The following KATNIP variants were observed in gnomAD, a reference collection of about 807,000 sequenced individuals.
The protein encoded by KATNIP is katanin interacting protein.
Under a neutral mutation model 174.0 loss-of-function variants are expected in KATNIP, and 126 were observed. That is an observed-to-expected ratio of 0.72 (90% CI 0.63 to 0.84). KATNIP has a LOEUF of 0.84. Among genes scored for constraint, KATNIP ranks in the 40% least tolerant of loss-of-function variants. The probability of loss-of-function intolerance (pLI) is 0.00; values close to 1 mark genes in which losing one functional copy is unlikely to be tolerated. For missense variants in KATNIP, 1,958 were observed against 2,109.7 expected, an observed-to-expected ratio of 0.93 and a Z score of 1.41; for synonymous variants, 810 against 835.7, an observed-to-expected ratio of 0.97 and a Z score of 0.53.
In KATNIP at chr16:27,740,422, G is replaced by T; in HGVS notation, c.2125G>T (p.Gly709Cys). The part of the protein sequence containing the change: ...LRLSAVPTSM[G>C]DMPSAPATSP... The stretch of plus-strand genomic sequence containing the variant: ...ACTGTCGGCAGTCCCCACTTCGATG[G>T]GTGACATGCCCAGTGCTCCTGCCAC... Residue 709 changes from glycine to cysteine, a missense_variant, in exon 15 of 28, where the codon GGT becomes TGT. Physicochemically the swap from Gly to Cys is radical, Grantham distance 159 (BLOSUM62 -3). This residue lies in a region of KATNIP where 1,557 missense variants were observed against 1,617.8 expected (regional missense o/e 0.96). Transcript: ENST00000261588. 6.2e-7 allele frequency: 1 copy of T among 1,613,990 alleles called. No individual in the cohort carries two copies. Among genetic ancestry groups the T allele is most frequent in the Non-Finnish European group, 8.5e-7 (1 of 1,180,042 alleles).
intron 2 of KATNIP, among the ~76,000 whole-genome samples, chr16:27,587,498 C>T (rs556140281): frequency 6.6e-6 from 1 of 152,320 alleles, no homozygotes; most frequent in East Asian, 1.9e-4. Context: ...ATCGTACCAA[C>T]CTAGATAATC....
chr16:27,759,769 T>A (rs1216950803), intron 18 of KATNIP, among the ~76,000 whole-genome samples: 2 of 152,046 alleles, frequency 1.3e-5, no homozygotes, highest in Non-Finnish European at 2.9e-5. Context: ...TCAAAGCAAA[T>A]CACGTGACCC....
chr16:27,578,264 T>A (rs1032019087), intron 2 of KATNIP, among the ~76,000 whole-genome samples: 4 of 151,674 alleles, frequency 2.6e-5, no homozygotes, highest in African/African-American at 9.7e-5. Context: ...ACCCAGGAGG[T>A]AGAGGCTGCA....
intron 9 of KATNIP, among the ~76,000 whole-genome samples, chr16:27,699,135 C>T (rs2079013191): frequency 6.6e-6 from 1 of 152,152 alleles, no homozygotes; most frequent in Non-Finnish European, 1.5e-5. Context: ...TTAGCTTGTC[C>T]CCCCGATGCT....
At chr16:27,767,078 T>TC (rs531255390) in intron 20 of KATNIP, among the ~76,000 whole-genome samples, 18 of 152,020 alleles carry the variant, frequency 1.2e-4, no homozygotes, top group Non-Finnish European at 1.9e-4. Context: ...AGAGCCCTTT[T>TC]CTCTGGCTTT....
At chr16:27,746,278 G>T (rs901481050) in intron 15 of KATNIP, among the ~76,000 whole-genome samples, 1 of 152,256 alleles carries the variant, frequency 6.6e-6, no homozygotes, top group East Asian at 1.9e-4. Context: ...TCCTTGGTGC[G>T]CTTGCAGACC....
chr16:27,662,462 ACGG>A (rs1482422959), intron 6 of KATNIP, among the ~76,000 whole-genome samples: 1 of 152,014 alleles, frequency 6.6e-6, no homozygotes, highest in Non-Finnish European at 1.5e-5. Flanking sequence ...AGACCAAAAG[ACGG>A]CTGGCTTGTG....
intron 2 of KATNIP, among the ~76,000 whole-genome samples, chr16:27,581,739 C>G (rs912613242): frequency 6.6e-6 from 1 of 152,126 alleles, no homozygotes; most frequent in East Asian, 1.9e-4. Flanking sequence ...TCCCTCACCC[C>G]CTTCCCACCC....
chr16:27,613,999 C>T (rs191097152), intron 2 of KATNIP, among the ~76,000 whole-genome samples: 13 of 152,276 alleles, frequency 8.5e-5, no homozygotes, highest in African/African-American at 2.9e-4. Flanking sequence ...TCACTGTAAC[C>T]TTGAACTCCT....
At chr16:27,689,566 G>C (rs1353845483) in intron 8 of KATNIP, among the ~76,000 whole-genome samples, 1 of 152,174 alleles carries the variant, frequency 6.6e-6, no homozygotes, top group African/African-American at 2.4e-5. Flanking sequence ...GGCTCAGGGA[G>C]AGACAGTGGC....
At chr16:27,617,931 T>G (rs1218360159) in intron 2 of KATNIP, among the ~76,000 whole-genome samples, 6 of 151,874 alleles carry the variant, frequency 4.0e-5, no homozygotes, top group Non-Finnish European at 7.4e-5. Context: ...AGAGATAAGG[T>G]CTCCCTAGGT....
In KATNIP at chr16:27,630,916, G is replaced by A. The variant is rs558573699; in HGVS notation, c.311-149G>A. 1.3e-4 allele frequency: 82 copies of A among 611,724 alleles called. 1 individual carries two copies. The South Asian group carries it at 1.6e-3, about 12-fold the overall frequency. The allele number at this position is 611,724 out of a possible 1,614,324, so 37.9% of individuals were successfully genotyped here. A position where few individuals can be genotyped will look rare whatever the true frequency, so the allele number is the denominator to read the frequency against. ...CATTTAGCTTGTTTTCTGATGTCTTGTTGCCACAACCACGCTGTAGTCAAT... is the reference window on the plus strand; with the variant it reads ...CATTTAGCTTGTTTTCTGATGTCTTATTGCCACAACCACGCTGTAGTCAAT... On this transcript the variant is annotated intron_variant, in intron 4 of 27. Transcript: ENST00000261588.
chr16:27,686,451 T>G (rs72788550), intron 8 of KATNIP, among the ~76,000 whole-genome samples: 11,026 of 152,298 alleles, frequency 0.072, 427 homozygotes, highest in Middle Eastern at 0.11. Context: ...TTTTATCCTT[T>G]CAGTTTCAAA....
intron 1 of KATNIP, among the ~76,000 whole-genome samples, chr16:27,561,664 ACT>A (rs886235455): frequency 2.0e-5 from 3 of 151,832 alleles, no homozygotes; most frequent in African/African-American, 7.3e-5. Context: ...ATTTTTCTAA[ACT>A]CTAAGTGAAC....
intron 1 of KATNIP, among the ~76,000 whole-genome samples, chr16:27,570,937 G>A (rs982028177): frequency 3.3e-5 from 5 of 152,172 alleles, no homozygotes; most frequent in African/African-American, 1.2e-4. Flanking sequence ...TTCCTTTAAG[G>A]TTCAATCTTG....
intron 6 of KATNIP, among the ~76,000 whole-genome samples, chr16:27,667,426 A>T (rs939253597): frequency 9.2e-5 from 14 of 152,250 alleles, no homozygotes; most frequent in Admixed American, 7.9e-4. Flanking sequence ...GCAGATTAAT[A>T]ATATGAATGT....
intron 2 of KATNIP, among the ~76,000 whole-genome samples, chr16:27,604,337 G>A (rs910343339): frequency 3.3e-5 from 5 of 152,104 alleles, no homozygotes; most frequent in Non-Finnish European, 7.3e-5. Context: ...GGACTCAAGC[G>A]ATCCTCCCAA....
At chr16:27,630,068 C>T (rs931052295) in intron 4 of KATNIP, among the ~76,000 whole-genome samples, 1 of 152,186 alleles carries the variant, frequency 6.6e-6, no homozygotes, top group African/African-American at 2.4e-5. Context: ...GGCGAGACTG[C>T]TTATCCCAAG....
Position 27,695,565 on chromosome 16 carries a change from C to G in KATNIP, c.941-2763C>G, listed in dbSNP as rs148721458. On this transcript the variant is annotated intron_variant, in intron 8 of 27. Coordinates refer to ENST00000261588, the MANE Select transcript of KATNIP (RefSeq NM_015202.5). ...GCATGGTTTTTCATGTCAGTTTCCA[C>G]ATCAAACTCTGTGTTTTAAATTTAT... 5.6e-4 allele frequency among the ~76,000 whole-genome samples: 86 copies of G among 152,362 alleles called. 1 individual carries two copies. The highest frequency in any genetic ancestry group is 1.8e-3 in the African/African-American group (73 of 41,580).
Sources: allele counts gnomAD v4.1 joint callset (sites outside exome capture counted in the v4.1 genomes callset), GRCh38; gene constraint gnomAD v4.1.1; regional missense constraint gnomAD v4.1.1; transcripts MANE v1.5; gene names NCBI Gene and HGNC (gene_info 2026-07-23, HGNC 2026-07-21).